Variants in CTTNBP2 observed in about 807,000 individuals in gnomAD.
CTTNBP2 encodes cortactin-binding protein 2.
Under a neutral mutation model 156.9 loss-of-function variants are expected in CTTNBP2, and 108 were observed. The observed-to-expected ratio is 0.69, with a 90% CI of 0.59 to 0.81. CTTNBP2 has a LOEUF of 0.81. Among genes scored for constraint, CTTNBP2 ranks in the 30% least tolerant of loss-of-function variants. CTTNBP2 has a pLI of 0.00. For synonymous variants in CTTNBP2, 767 were observed against 751.8 expected (o/e 1.02, Z -0.33); for missense variants, 1,924 against 2,035.4 (o/e 0.95, Z 1.05).
At chr7:117,767,884 A>G (rs1409495102) in intron 8 of CTTNBP2, among the ~76,000 whole-genome samples, 1 of 152,196 alleles carries the variant, frequency 6.6e-6, no homozygotes, top group Non-Finnish European at 1.5e-5. Flanking sequence ...GAGACAATAT[A>G]TATACATAAA....
intron 2 of CTTNBP2, among the ~76,000 whole-genome samples, chr7:117,845,273 T>G (rs981519410): frequency 2.6e-5 from 4 of 152,168 alleles, no homozygotes; most frequent in Non-Finnish European, 5.9e-5. Flanking sequence ...ATAAATGACA[T>G]GCAGTGATTG....
At chr7:117,812,544 T>C (rs1263977363) in intron 2 of CTTNBP2, among the ~76,000 whole-genome samples, 1 of 152,026 alleles carries the variant, frequency 6.6e-6, no homozygotes, top group Non-Finnish European at 1.5e-5. Context: ...GATTAATAAA[T>C]AAAATTTACA....
chr7:117,810,873 T>G lies in CTTNBP2; in HGVS notation c.306A>C (p.Pro102=). Residue 102 remains proline, a synonymous_variant, in exon 3 of 23, where the codon CCA becomes CCC. Transcript: ENST00000160373. Reference sequence around the variant, plus strand: ...GGATGGAGAGGGGGTTGGTACAAACTGGCTTCTTCTCTTTGTCACCAGCAC... The same window carrying G: ...GGATGGAGAGGGGGTTGGTACAAACGGGCTTCTTCTCTTTGTCACCAGCAC... ...EAGAGDKEKK[P]VCTNPLSILE... The G allele has an allele frequency of 6.2e-7, 1 of 1,614,128 alleles. No individual in the cohort carries two copies. The highest frequency in any genetic ancestry group is 8.5e-7 in the Non-Finnish European group (1 of 1,179,988).
chr7:117,839,388 T>C (rs1459900130), intron 2 of CTTNBP2, among the ~76,000 whole-genome samples: 3 of 152,252 alleles, frequency 2.0e-5, no homozygotes, highest in Admixed American at 6.5e-5. Context: ...GTCTGGACTT[T>C]AGTTCCTAAG....
rs894110538 is a variant in CTTNBP2 at position 117,795,052 on chromosome 7, G to A, written c.415-2271C>T. ...TGGTACTACAGGCGCCCGCCACCGC[G>A]CCCGGCTAATTTTTTTTGTATTTTT... On this transcript the variant is annotated intron_variant, in intron 3 of 22. Transcript: ENST00000160373. Among the ~76,000 whole-genome samples, 10 of 150,850 alleles carry A rather than the reference G, an allele frequency of 6.6e-5. No individual in the cohort carries two copies. In the East Asian group the frequency reaches 7.8e-4, roughly 12 times the overall value.
In CTTNBP2 at chr7:117,768,565, C is replaced by CAAAAAA. The variant is rs747773487; in HGVS notation, c.2779-1395_2779-1390dup. On this transcript the variant is annotated intron_variant, in intron 8 of 22. Coordinates refer to ENST00000160373, the MANE Select transcript of CTTNBP2 (RefSeq NM_033427.3). Reference sequence around the variant, plus strand: ...TGGGTGACAAAGCAAGACTCTGTCTCAAAAAAAAAAAAAAAAAAAGAAAGA... The same window carrying CAAAAAA: ...TGGGTGACAAAGCAAGACTCTGTCTCAAAAAAAAAAAAAAAAAAAAAAAAAGAAAGA... 9.2e-4 allele frequency among the ~76,000 whole-genome samples: 51 copies of CAAAAAA among 55,508 alleles called. 1 individual carries two copies. Among genetic ancestry groups the CAAAAAA allele is most frequent in the African/African-American group, 2.0e-3 (35 of 17,568 alleles). The allele number at this position is 55,508 out of a possible 152,430, so 36.4% of individuals were successfully genotyped here. A position where few individuals can be genotyped will look rare whatever the true frequency, so the allele number is the denominator to read the frequency against.
chr7:117,866,051 G>A (rs868253487), intron 1 of CTTNBP2, among the ~76,000 whole-genome samples: 58 of 151,316 alleles, frequency 3.8e-4, no homozygotes, highest in African/African-American at 1.2e-3. Context: ...CTGTAGTTTT[G>A]AACAGCTCTG....
intron 14 of CTTNBP2, among the ~76,000 whole-genome samples, chr7:117,740,823 C>G (rs1053492472): frequency 1.5e-4 from 23 of 152,154 alleles, no homozygotes; most frequent in African/African-American, 5.5e-4. Flanking sequence ...CATAGGAGTT[C>G]CCCTGCACTG....
chr7:117,868,714 A>G (rs1242425631), intron 1 of CTTNBP2, among the ~76,000 whole-genome samples: 1 of 152,236 alleles, frequency 6.6e-6, no homozygotes, highest in Non-Finnish European at 1.5e-5. Context: ...TAAGCTTTGC[A>G]AAGGAGCACC....
intron 2 of CTTNBP2, among the ~76,000 whole-genome samples, chr7:117,836,433 G>A (rs1801941945): frequency 6.6e-6 from 1 of 152,102 alleles, no homozygotes; most frequent in Non-Finnish European, 1.5e-5. Context: ...GCGTGGTGGT[G>A]GGCGCCTGTA....
At chr7:117,843,329 G>A (rs1433259767) in intron 2 of CTTNBP2, among the ~76,000 whole-genome samples, 1 of 152,174 alleles carries the variant, frequency 6.6e-6, no homozygotes, top group African/African-American at 2.4e-5. Flanking sequence ...ATTGATAAAT[G>A]TAGTGGAGCT....
intron 2 of CTTNBP2, among the ~76,000 whole-genome samples, chr7:117,812,476 A>G (rs774238053): frequency 1.3e-5 from 2 of 151,972 alleles, no homozygotes; most frequent in Non-Finnish European, 2.9e-5. Flanking sequence ...AACTAGATAA[A>G]CACAAATCTA....
At chr7:117,835,664 T>G (rs534293895) in intron 2 of CTTNBP2, among the ~76,000 whole-genome samples, 2 of 152,356 alleles carry the variant, frequency 1.3e-5, no homozygotes, top group East Asian at 3.9e-4. Flanking sequence ...TCAATTGAAT[T>G]GTTAAATTTA....
intron 2 of CTTNBP2, among the ~76,000 whole-genome samples, chr7:117,831,683 T>C (rs1236158069): frequency 6.6e-6 from 1 of 151,304 alleles, no homozygotes; most frequent in Admixed American, 6.6e-5. Context: ...TCATGTTGGC[T>C]AGAAGGAGCC....
intron 3 of CTTNBP2, among the ~76,000 whole-genome samples, chr7:117,801,715 A>C (rs945570102): frequency 2.0e-5 from 3 of 152,172 alleles, no homozygotes; most frequent in Non-Finnish European, 4.4e-5. Flanking sequence ...GGTTTGGAAA[A>C]AACATCTGTG....
chr7:117,836,911 G>A (rs774560345), intron 2 of CTTNBP2, among the ~76,000 whole-genome samples: 3 of 152,106 alleles, frequency 2.0e-5, no homozygotes, highest in Non-Finnish European at 4.4e-5. Context: ...TATCTCCCAC[G>A]GGGTCTGTCC....
chr7:117,754,094 A>G lies in CTTNBP2; in HGVS notation c.3348+2461T>C, dbSNP rs539669856. 3.3e-5 allele frequency among the ~76,000 whole-genome samples: 5 copies of G among 152,280 alleles called. No individual in the cohort carries two copies. The East Asian group carries it at 5.8e-4, about 18-fold the overall frequency. On this transcript the variant is annotated intron_variant, in intron 12 of 22. Coordinates refer to ENST00000160373, the MANE Select transcript of CTTNBP2 (RefSeq NM_033427.3). The stretch of plus-strand genomic sequence containing the variant: ...TGGAGTAAAATTCAAAGTTTTTGCC[A>G]TATTCCTGCATGATCTAGTTTCTGA...
intron 2 of CTTNBP2, among the ~76,000 whole-genome samples, chr7:117,852,510 TGTTCTC>T (rs1802995256): frequency 1.3e-5 from 2 of 152,170 alleles, no homozygotes; most frequent in Non-Finnish European, 2.9e-5. Context: ...TGCACCAGCA[TGTTCTC>T]TCTCATCCTA....
chr7:117,774,934 T>C (rs1405275326), intron 8 of CTTNBP2, among the ~76,000 whole-genome samples: 2 of 152,218 alleles, frequency 1.3e-5, no homozygotes, highest in African/African-American at 2.4e-5. Flanking sequence ...CTGGCCTTAA[T>C]ATCTTAGTTA....
Sources: allele counts gnomAD v4.1 joint callset (sites outside exome capture counted in the v4.1 genomes callset), GRCh38; gene constraint gnomAD v4.1.1; transcripts MANE v1.5; gene names NCBI Gene and HGNC (gene_info 2026-07-23, HGNC 2026-07-21).